The following GADL1 variants were observed in gnomAD, a reference collection of about 807,000 sequenced individuals.
GADL1 encodes the protein acidic amino acid decarboxylase GADL1.
In GADL1, 71 loss-of-function variants were observed where a neutral mutation model predicts 69.5. The observed-to-expected ratio is 1.02, with a 90% CI of 0.84 to 1.25. The LOEUF is 1.25. Among genes scored for constraint, GADL1 ranks in the 50% most tolerant of loss-of-function variants. GADL1 has a pLI of 0.00. For synonymous variants in GADL1, 254 were observed against 214.4 expected (o/e 1.18, Z -1.62); for missense variants, 737 against 631.8 (o/e 1.17, Z -1.79).
At chr3:30,754,560 A>G (rs1383720743) in intron 14 of GADL1, among the ~76,000 whole-genome samples, 5 of 152,144 alleles carry the variant, frequency 3.3e-5, no homozygotes, top group African/African-American at 9.7e-5. Context: ...CAAAGAGTGT[A>G]TTACCTCAAT....
intron 8 of GADL1, 72 bp from the exon 9 acceptor site, chr3:30,839,185 A>G (rs1414919350): frequency 1.1e-6 from 1 of 922,308 alleles, no homozygotes; most frequent in Non-Finnish European, 1.6e-6. Context: ...GCTGGAAAAT[A>G]TAAAGGGTTA....
At chr3:30,731,967 C>T (rs1181239929) in intron 14 of GADL1, among the ~76,000 whole-genome samples, 1 of 152,150 alleles carries the variant, frequency 6.6e-6, no homozygotes, top group Admixed American at 6.5e-5. Flanking sequence ...TTTGCAATGT[C>T]CTCTCACTTG....
chr3:30,805,186 T>C (rs551807647), intron 11 of GADL1, among the ~76,000 whole-genome samples: 1 of 152,350 alleles, frequency 6.6e-6, no homozygotes, highest in South Asian at 2.1e-4. Flanking sequence ...TAAATTCTAT[T>C]TTTGTCAACT....
At chr3:30,748,769 A>G (rs1695752021) in intron 14 of GADL1, among the ~76,000 whole-genome samples, 1 of 152,234 alleles carries the variant, frequency 6.6e-6, no homozygotes, top group Admixed American at 6.5e-5. Flanking sequence ...AGAATTTTTA[A>G]CCTGGGAAGA....
At chr3:30,775,701 TAA>T (rs576144264) in intron 14 of GADL1, among the ~76,000 whole-genome samples, 1 of 151,718 alleles carries the variant, frequency 6.6e-6, no homozygotes, top group Non-Finnish European at 1.5e-5. Flanking sequence ...TGGCTGACAG[TAA>T]AAAAAATAAA....
intron 14 of GADL1, among the ~76,000 whole-genome samples, chr3:30,730,021 C>T (rs1469944466): frequency 6.6e-6 from 1 of 152,156 alleles, no homozygotes; most frequent in Non-Finnish European, 1.5e-5. Flanking sequence ...CATGGGCCAT[C>T]AGGTTCTACA....
intron 11 of GADL1, among the ~76,000 whole-genome samples, chr3:30,817,726 T>C (rs1030833769): frequency 1.3e-5 from 2 of 152,204 alleles, no homozygotes; most frequent in African/African-American, 2.4e-5. Context: ...AATGCACCAG[T>C]ATTTCTAGAA....
intron 6 of GADL1, among the ~76,000 whole-genome samples, chr3:30,847,998 A>G (rs1335486103): frequency 1.3e-5 from 2 of 152,194 alleles, no homozygotes; most frequent in Non-Finnish European, 1.5e-5. Context: ...AGGCAAAAGT[A>G]AAAAACCTGA....
chr3:30,861,712 C>G lies in GADL1; in HGVS notation c.91G>C (p.Asp31His), dbSNP rs1261964623. 1.3e-6 allele frequency: 2 copies of G among 1,549,524 alleles called. No individual in the cohort carries two copies. Among genetic ancestry groups the G allele is most frequent in the African/African-American group, 2.7e-5 (2 of 73,002 alleles). The change falls in exon 2 of 15, where the codon GAT becomes CAT. Residue 31 changes from aspartate (D) to histidine (H), a missense_variant. Coordinates refer to ENST00000282538, the MANE Select transcript of GADL1 (RefSeq NM_207359.3). Reference protein sequence around the residue: ...IPSKKNAVLVDGVVLNGPTTD... With the variant: ...IPSKKNAVLVHGVVLNGPTTD... ...GTAGGACCATTCAGCACAACCCCAT[C>G]CACAAGAACAGCATTCTTCTTACTT...
At chr3:30,844,019 G>T (rs1044907075) in intron 8 of GADL1, among the ~76,000 whole-genome samples, 191 bp downstream of exon 8, 1 of 152,212 alleles carries the variant, frequency 6.6e-6, no homozygotes, top group Non-Finnish European at 1.5e-5. Context: ...GGAGAGCCAA[G>T]CACTTGGAAA....
At chr3:30,854,610 C>A (rs1035792169) in intron 4 of GADL1, 89 bp downstream of exon 4, 2 of 763,292 alleles carry the variant, frequency 2.6e-6, no homozygotes, top group African/African-American at 1.8e-5. Flanking sequence ...CAAAAGAAAC[C>A]ATTAAATAGA....
Position 30,881,802 on chromosome 3 carries a change from G to A in GADL1, c.37+12776C>T, listed in dbSNP as rs370056551. Among the ~76,000 whole-genome samples, 15 of 152,026 alleles carry A rather than the reference G, an allele frequency of 9.9e-5. No individual in the cohort carries two copies. The South Asian group carries it at 2.9e-3, about 29-fold the overall frequency. Reference sequence around the variant, plus strand: ...ATTGCTATTATAGCAGCATTAAAAGGTGGTACCTTTAAATACTATAAAAAG... The same window carrying A: ...ATTGCTATTATAGCAGCATTAAAAGATGGTACCTTTAAATACTATAAAAAG... On this transcript the variant is annotated intron_variant, in intron 1 of 14. Coordinates refer to ENST00000282538, the MANE Select transcript of GADL1 (RefSeq NM_207359.3).
intron 1 of GADL1, among the ~76,000 whole-genome samples, chr3:30,864,942 G>T (rs536326721): frequency 1.3e-4 from 20 of 151,866 alleles, no homozygotes; most frequent in Non-Finnish European, 2.2e-4. Flanking sequence ...TACCTCCTAC[G>T]TTCCCTTGAA....
At chr3:30,835,629 T>C (rs925512722) in intron 9 of GADL1, among the ~76,000 whole-genome samples, 1 of 152,006 alleles carries the variant, frequency 6.6e-6, no homozygotes, top group Non-Finnish European at 1.5e-5. Context: ...AGAGCTGGAC[T>C]CTTGCAAGGC....
chr3:30,773,566 TTCGATA>T (rs1488043780), intron 14 of GADL1, among the ~76,000 whole-genome samples: 1 of 152,158 alleles, frequency 6.6e-6, no homozygotes, highest in African/African-American at 2.4e-5. Context: ...AGCATAAAAT[TTCGATA>T]TTAATATACT....
Position 30,778,217 on chromosome 3 carries a change from T to C in GADL1, c.1354A>G (p.Met452Val). The C allele has an allele frequency of 6.2e-7, 1 of 1,611,684 alleles. No homozygotes were observed. Among genetic ancestry groups the C allele is most frequent in the South Asian group, 1.1e-5 (1 of 90,098 alleles). ...GCCCAGAACTCGGGTCCTTCTTCCA[T>C]CTCTCTGAGGCTCGGTGGAATGTAC... ...FWYIPPSLRE[M>V]EEGPEFWAKL... Residue 452 changes from methionine to valine, a missense_variant, in exon 14 of 15, where the codon ATG (methionine) becomes GTG (valine). By Grantham distance (21) the Met-to-Val change is conservative. Coordinates refer to ENST00000282538, the MANE Select transcript of GADL1 (RefSeq NM_207359.3).
chr3:30,834,324 T>G (rs758684333), intron 9 of GADL1, 43 bp from the exon 10 acceptor site: 46 of 1,534,954 alleles, frequency 3.0e-5, no homozygotes, highest in Non-Finnish European at 2.5e-5. Flanking sequence ...TATTTCAATG[T>G]TATTTGTTTA....
At chr3:30,826,007 A>G (rs1391434493) in intron 11 of GADL1, among the ~76,000 whole-genome samples, 2 of 151,962 alleles carry the variant, frequency 1.3e-5, no homozygotes, top group Non-Finnish European at 1.5e-5. Flanking sequence ...ATCCATTAAA[A>G]AATAGTAAAA....
chr3:30,744,300 G>A (rs961818200), intron 14 of GADL1, among the ~76,000 whole-genome samples: 2 of 152,148 alleles, frequency 1.3e-5, no homozygotes, highest in African/African-American at 4.8e-5. Context: ...CTTAGGCAAA[G>A]TCAAGGCAAC....
Sources: allele counts gnomAD v4.1 joint callset (sites outside exome capture counted in the v4.1 genomes callset), GRCh38; gene constraint gnomAD v4.1.1; transcripts MANE v1.5; gene names NCBI Gene and HGNC (gene_info 2026-07-23, HGNC 2026-07-21).